Variants in AUTS2 observed in about 807,000 individuals in gnomAD.
The protein encoded by AUTS2 is activator of transcription and developmental regulator AUTS2, also known as autism susceptibility gene 2 protein.
In AUTS2, 17 loss-of-function variants were observed where a neutral mutation model predicts 112.4. The ratio of observed to expected loss-of-function variants is 0.15; its 90% confidence interval spans 0.10 to 0.23. The LOEUF (loss-of-function observed/expected upper bound fraction) is 0.23. Ranked by LOEUF, AUTS2 falls within the 10% of genes least tolerant of loss-of-function variation. The pLI, the probability that AUTS2 is intolerant of heterozygous loss-of-function variation, is 1.00. For missense variants in AUTS2, 1,510 were observed against 1,701.6 expected, an observed-to-expected ratio of 0.89 and a Z score of 1.98; for synonymous variants, 751 against 702.7, an observed-to-expected ratio of 1.07 and a Z score of -1.09.
chr7:70,049,324 T>G (rs529736932), intron 2 of AUTS2, among the ~76,000 whole-genome samples: 8 of 152,158 alleles, frequency 5.3e-5, no homozygotes, highest in African/African-American at 1.7e-4. Context: ...TATTAGCAAA[T>G]CATCTCTTGG....
At position 69,599,770 on chromosome 7, in the gene AUTS2, G is replaced by A. The variant is rs1362280228; in HGVS notation, c.117G>A (p.Gly39=). 2.0e-6 allele frequency: 3 copies of A among 1,477,532 alleles called. No individual in the cohort carries two copies. In the South Asian group the frequency reaches 4.0e-5, roughly 20 times the overall value. 91.5% of individuals were successfully genotyped at this position (1,477,532 alleles called of 1,614,324 possible). The change falls in exon 1 of 19, where the codon GGG becomes GGA. Residue 39 remains glycine (G), a synonymous_variant. Transcript: ENST00000342771. This position sits in a 1 kb window ranked among gnomAD's most constrained non-coding sequence, Gnocchi z 7.0. ...GGGCCGGCGCGGCCGGCGGCGGCGG[G>A]GCTGGCCGGACCCGGGCGCTCTCAC... ...GLGAGAAGGG[G]AGRTRALSLA...
chr7:70,505,976 T>C (rs538290200), intron 5 of AUTS2, among the ~76,000 whole-genome samples: 30 of 152,252 alleles, frequency 2.0e-4, no homozygotes, highest in African/African-American at 6.5e-4. Flanking sequence ...CGAGTAGAAG[T>C]CATGCTCCAA....
chr7:70,543,658 G>A (rs563226694), intron 5 of AUTS2, among the ~76,000 whole-genome samples: 5 of 152,220 alleles, frequency 3.3e-5, no homozygotes, highest in East Asian at 1.9e-4. Flanking sequence ...TGCCTGTCCC[G>A]TCATGCTTGC....
intron 2 of AUTS2, among the ~76,000 whole-genome samples, chr7:69,940,799 T>A (rs1325965878): frequency 6.6e-6 from 1 of 152,006 alleles, no homozygotes; most frequent in East Asian, 1.9e-4. Flanking sequence ...GAGGTAAGGA[T>A]GGATAGAAGC....
intron 1 of AUTS2, among the ~76,000 whole-genome samples, chr7:69,782,920 G>C (rs1789202963): frequency 6.6e-6 from 1 of 151,932 alleles, no homozygotes; most frequent in Admixed American, 6.6e-5. Context: ...TAGTTGTTTG[G>C]ATTTGTTGTG....
intron 2 of AUTS2, among the ~76,000 whole-genome samples, chr7:70,002,059 T>C (rs1026394345): frequency 3.3e-5 from 5 of 152,192 alleles, no homozygotes; most frequent in African/African-American, 1.2e-4. Context: ...ATAAAAACAA[T>C]ATGAGTAAAT....
chr7:70,262,963 C>T (rs1056497267), intron 4 of AUTS2, among the ~76,000 whole-genome samples: 4 of 151,970 alleles, frequency 2.6e-5, no homozygotes, highest in Admixed American at 1.3e-4. Context: ...TTGGAAACTT[C>T]CAAATAAATT....
intron 5 of AUTS2, among the ~76,000 whole-genome samples, chr7:70,632,526 A>G (rs6961530): frequency 0.43 from 64,983 of 151,022 alleles, 14,384 homozygotes; most frequent in East Asian, 0.58. Flanking sequence ...TGCTGTCTGC[A>G]GGCACAGATG....
At chr7:70,495,792 A>C (rs868236853) in intron 5 of AUTS2, among the ~76,000 whole-genome samples, 273 of 37,236 alleles carry the variant, frequency 7.3e-3, no homozygotes, top group Admixed American at 8.2e-3. Context: ...ACACACACAC[A>C]CCCCACACAT....
At chr7:70,178,125 A>G (rs1173260996) in intron 4 of AUTS2, among the ~76,000 whole-genome samples, 1 of 151,760 alleles carries the variant, frequency 6.6e-6, no homozygotes, top group Non-Finnish European at 1.5e-5. Context: ...CATTGTTCTT[A>G]TTTTTATTTG....
At chr7:70,577,689 A>G (rs17141773) in intron 5 of AUTS2, among the ~76,000 whole-genome samples, 27,117 of 152,168 alleles carry the variant, frequency 0.18, 2,823 homozygotes, top group African/African-American at 0.29. Context: ...AGAACATACC[A>G]TGTGTTTTGT....
chr7:70,053,544 G>GTTTTTTTTTTTGTTTTTTTTTTTTTTTT (rs374585322), intron 2 of AUTS2, among the ~76,000 whole-genome samples: 2 of 127,848 alleles, frequency 1.6e-5, no homozygotes, highest in African/African-American at 6.2e-5. Context: ...GTTTTGGGTG[G>GTTTTTTTTTTTGTTTTTTTTTTTTTTTT]TTTTTTTTTT....
intron 1 of AUTS2, among the ~76,000 whole-genome samples, chr7:69,624,039 T>G (rs2129094666): frequency 1.3e-5 from 2 of 152,336 alleles, no homozygotes; most frequent in East Asian, 3.9e-4. Flanking sequence ...TTCAGTAAGT[T>G]TTTGGTGATG....
intron 2 of AUTS2, among the ~76,000 whole-genome samples, chr7:70,069,293 G>A (rs1321530312): frequency 2.6e-5 from 4 of 152,158 alleles, no homozygotes; most frequent in Non-Finnish European, 5.9e-5. Flanking sequence ...ATCACTCTTC[G>A]TTGAGAGATA....
chr7:70,640,864 C>T (rs553346819), intron 5 of AUTS2, among the ~76,000 whole-genome samples: 25 of 152,298 alleles, frequency 1.6e-4, no homozygotes, highest in African/African-American at 4.8e-4. Flanking sequence ...GAGCCCACGC[C>T]GTCATCCCTT....
chr7:70,588,486 A>C (rs902846290), intron 5 of AUTS2, among the ~76,000 whole-genome samples: 3 of 152,230 alleles, frequency 2.0e-5, no homozygotes, highest in African/African-American at 4.8e-5. Flanking sequence ...TAGGGAAAAG[A>C]AACAGAGCTG....
At chr7:70,243,042 A>G (rs1349703134) in intron 4 of AUTS2, among the ~76,000 whole-genome samples, 1 of 152,118 alleles carries the variant, frequency 6.6e-6, no homozygotes, top group Non-Finnish European at 1.5e-5. Flanking sequence ...TCTTGCACAG[A>G]TGGTCTCACT....
rs79054729 is a variant in AUTS2, at chr7:70,525,184, G to A, written c.690+89403G>A. ...GGGCCTTACCTTCCTCCTGAGGCAC[G>A]CCTTCAGCTCCTCTGCAGTTCTGCT... On this transcript the variant is annotated intron_variant, in intron 5 of 18. Transcript: ENST00000342771. Among the ~76,000 whole-genome samples the A allele has an allele frequency of 7.4e-3, 1,119 of 152,238 alleles. 18 individuals carry two copies. The highest frequency in any genetic ancestry group is 0.025 in the African/African-American group (1,047 of 41,536).
chr7:69,967,410 G>A (rs989400074), intron 2 of AUTS2, among the ~76,000 whole-genome samples: 28 of 152,026 alleles, frequency 1.8e-4, no homozygotes, highest in Middle Eastern at 3.2e-3. Context: ...CTTGTCAGCC[G>A]GCCAACACAG....
Sources: allele counts gnomAD v4.1 joint callset (sites outside exome capture counted in the v4.1 genomes callset), GRCh38; gene constraint gnomAD v4.1.1; non-coding constraint Gnocchi (gnomAD v3.1); transcripts MANE v1.5; gene names NCBI Gene and HGNC (gene_info 2026-07-23, HGNC 2026-07-21).